Variants in GAB2 observed in about 807,000 individuals in gnomAD.
The protein encoded by GAB2 is GRB2 associated binding protein 2.
A neutral mutation model predicts 65.5 loss-of-function variants in GAB2; 26 were observed. That is an observed-to-expected ratio of 0.40 (90% CI 0.29 to 0.55). The LOEUF is 0.55. Ranked by LOEUF, GAB2 falls within the 20% of genes least tolerant of loss-of-function variation. The pLI, the probability that GAB2 is intolerant of heterozygous loss-of-function variation, is 0.53. For missense variants in GAB2, 884 were observed against 875.8 expected (o/e 1.01, Z -0.12); for synonymous variants, 321 against 329.6 (o/e 0.97, Z 0.28).
intron 3 of GAB2, among the ~76,000 whole-genome samples, chr11:78,245,095 G>T (rs1446201733): frequency 6.6e-6 from 1 of 152,094 alleles, no homozygotes; most frequent in Non-Finnish European, 1.5e-5. Context: ...ATGTATATGA[G>T]GCATCTAGAG....
At chr11:78,232,726 A>C (rs750423563) in intron 3 of GAB2, among the ~76,000 whole-genome samples, 2 of 152,330 alleles carry the variant, frequency 1.3e-5, no homozygotes, top group African/African-American at 2.4e-5. Context: ...GTATCTTTAC[A>C]ATCAGGTTCC....
chr11:78,370,725 A>ATG (rs113823389), intron 1 of GAB2, among the ~76,000 whole-genome samples: 4,235 of 148,868 alleles, frequency 0.028, 156 homozygotes, highest in African/African-American at 0.091. Flanking sequence ...GTGTGTGTGT[A>ATG]TGTGTGTGTG....
At chr11:78,397,727 T>G (rs530212476) in intron 1 of GAB2, among the ~76,000 whole-genome samples, 1 of 152,282 alleles carries the variant, frequency 6.6e-6, no homozygotes, top group Admixed American at 6.5e-5. Flanking sequence ...GGCAGTACAT[T>G]CTACATTCAA....
intron 1 of GAB2, among the ~76,000 whole-genome samples, chr11:78,353,836 A>G (rs575476957): frequency 5.3e-5 from 8 of 152,362 alleles, no homozygotes; most frequent in Non-Finnish European, 1.2e-4. Context: ...CTAGATAAAC[A>G]TAAGGTATTT....
At chr11:78,255,051 G>A (rs886856115) in intron 2 of GAB2, among the ~76,000 whole-genome samples, 2 of 152,048 alleles carry the variant, frequency 1.3e-5, no homozygotes, top group African/African-American at 2.4e-5. Context: ...TAGTTAAGAG[G>A]AAGTCATACT....
rs201919510 is a variant in GAB2 at position 78,291,559 on chromosome 11, TTC to T, written c.76-10660_76-10659del. Among the ~76,000 whole-genome samples the T allele has an allele frequency of 2.7e-3, 203 of 74,612 alleles. 29 individuals carry two copies. The highest frequency in any genetic ancestry group is 0.011 in the African/African-American group (147 of 13,938). The allele number at this position is 74,612 out of a possible 152,430, so 48.9% of individuals were successfully genotyped here. ...TCTTGAGAGACTTACTTTTTTCTTT[TTC>T]TTTTTTTTTTTTTTTTTTTTTTTTT... is the stretch of plus-strand genomic sequence containing the variant. On this transcript the variant is annotated intron_variant, in intron 1 of 9. Transcript: ENST00000361507.
At chr11:78,364,923 A>G (rs1225420520) in intron 1 of GAB2, among the ~76,000 whole-genome samples, 4 of 152,208 alleles carry the variant, frequency 2.6e-5, no homozygotes, top group Non-Finnish European at 5.9e-5. Context: ...ACGTCTATAT[A>G]GTATTTTGCA....
intron 1 of GAB2, among the ~76,000 whole-genome samples, chr11:78,350,786 T>A (rs896019813): frequency 2.0e-5 from 3 of 152,198 alleles, no homozygotes; most frequent in Non-Finnish European, 4.4e-5. Flanking sequence ...ACGTTAAGAA[T>A]TCACCACAGG....
intron 1 of GAB2, among the ~76,000 whole-genome samples, chr11:78,291,748 T>TA (rs1866688179): frequency 6.6e-6 from 1 of 150,976 alleles, no homozygotes; most frequent in African/African-American, 2.4e-5. Flanking sequence ...TTTTTTTTTT[T>TA]AGAGATGGAG....
At chr11:78,406,575 G>A (rs977455351) in intron 1 of GAB2, among the ~76,000 whole-genome samples, 25 of 151,958 alleles carry the variant, frequency 1.6e-4, no homozygotes, top group African/African-American at 5.8e-4. Context: ...ACAGGGTTTC[G>A]CCATGTTGGC....
At chr11:78,281,833 G>C (rs1295792280) in intron 1 of GAB2, among the ~76,000 whole-genome samples, 5 of 152,184 alleles carry the variant, frequency 3.3e-5, no homozygotes, top group Non-Finnish European at 4.4e-5. Context: ...AGCATTTTTA[G>C]GCAAGGGAGA....
intron 1 of GAB2, among the ~76,000 whole-genome samples, chr11:78,301,247 C>T (rs1867009515): frequency 6.6e-6 from 1 of 151,722 alleles, no homozygotes; most frequent in African/African-American, 2.4e-5. Flanking sequence ...TGTGGCTTGC[C>T]TTTTCTTTTT....
At chr11:78,247,416 C>A (rs565736462) in intron 3 of GAB2, among the ~76,000 whole-genome samples, 1 of 152,130 alleles carries the variant, frequency 6.6e-6, no homozygotes, top group Non-Finnish European at 1.5e-5. Context: ...CCTTTACCCA[C>A]AATAGATTAA....
At chr11:78,340,926 G>A (rs1514264) in intron 1 of GAB2, among the ~76,000 whole-genome samples, 1,588 of 152,300 alleles carry the variant, frequency 0.01, 29 homozygotes, top group African/African-American at 0.036. Flanking sequence ...ATGGAAGCAG[G>A]AAGGGATAAG....
chr11:78,270,312 C>A (rs906723108), intron 2 of GAB2, among the ~76,000 whole-genome samples: 4 of 147,858 alleles, frequency 2.7e-5, no homozygotes, highest in Non-Finnish European at 1.5e-5. Context: ...CCAGCCTGGG[C>A]AACAGAGCGA....
chr11:78,286,502 A>C (rs1227999952), intron 1 of GAB2, among the ~76,000 whole-genome samples: 11 of 152,098 alleles, frequency 7.2e-5, no homozygotes. Flanking sequence ...AGTTCTGAGC[A>C]TCCTGAGATT....
intron 2 of GAB2, among the ~76,000 whole-genome samples, chr11:78,270,213 G>C: frequency 6.6e-6 from 1 of 152,018 alleles, no homozygotes; most frequent in East Asian, 1.9e-4. Context: ...TGTAATCCCA[G>C]CTACTCAGGA....
chr11:78,384,715 G>A (rs563481106), intron 1 of GAB2, among the ~76,000 whole-genome samples: 4 of 152,216 alleles, frequency 2.6e-5, no homozygotes, highest in Non-Finnish European at 4.4e-5. Context: ...CGAACCAATG[G>A]GTCTGTTCTA....
At chr11:78,376,428 A>G (rs1213624661) in intron 1 of GAB2, among the ~76,000 whole-genome samples, 1 of 152,272 alleles carries the variant, frequency 6.6e-6, no homozygotes, top group African/African-American at 2.4e-5. Context: ...GATAGGTTCC[A>G]TCATTAGCCT....
Sources: allele counts gnomAD v4.1 joint callset (sites outside exome capture counted in the v4.1 genomes callset), GRCh38; gene constraint gnomAD v4.1.1; transcripts MANE v1.5; gene names NCBI Gene and HGNC (gene_info 2026-07-23, HGNC 2026-07-21).